Variants in ADAMTS9 observed in about 807,000 individuals in gnomAD.
ADAMTS9 encodes A disintegrin and metalloproteinase with thrombospondin motifs 9.
A neutral mutation model predicts 257.1 loss-of-function variants in ADAMTS9; 107 were observed. That is an observed-to-expected ratio of 0.42 (90% CI 0.36 to 0.49). ADAMTS9 has a LOEUF of 0.49. Among genes scored for constraint, ADAMTS9 ranks in the 20% least tolerant of loss-of-function variants. ADAMTS9 has a pLI of 0.03. For synonymous variants in ADAMTS9, 982 were observed against 880.9 expected, an observed-to-expected ratio of 1.11 and a Z score of -2.03; for missense variants, 2,353 against 2,469.1, an observed-to-expected ratio of 0.95 and a Z score of 1.00.
intron 12 of ADAMTS9, among the ~76,000 whole-genome samples, chr3:64,639,056 C>T (rs1239175222): frequency 6.6e-6 from 1 of 152,092 alleles, no homozygotes; most frequent in African/African-American, 2.4e-5. Flanking sequence ...CTACGTTCTA[C>T]ATAATGAACC....
chr3:64,520,461 C>G (rs1270814116), intron 39 of ADAMTS9, among the ~76,000 whole-genome samples: 1 of 152,040 alleles, frequency 6.6e-6, no homozygotes, highest in African/African-American at 2.4e-5. Context: ...GATATGGAAC[C>G]AAAGCAGAGC....
At chr3:64,599,500 C>T (rs1437301584) in intron 26 of ADAMTS9, among the ~76,000 whole-genome samples, 1 of 152,168 alleles carries the variant, frequency 6.6e-6, no homozygotes, top group Non-Finnish European at 1.5e-5. Flanking sequence ...ACATCCTTTT[C>T]CTTACATCTG....
chr3:64,530,343 G>C (rs2082962963), intron 38 of ADAMTS9, among the ~76,000 whole-genome samples: 2 of 151,814 alleles, frequency 1.3e-5, no homozygotes, highest in African/African-American at 4.8e-5. Flanking sequence ...CCTATTTTCA[G>C]GTAGCATTGC....
At chr3:64,517,877 A>C (rs1230154560) in intron 39 of ADAMTS9, among the ~76,000 whole-genome samples, 1 of 152,152 alleles carries the variant, frequency 6.6e-6, no homozygotes, top group Non-Finnish European at 1.5e-5. Flanking sequence ...TTCTGATAAC[A>C]AAATGCCTTC....
intron 11 of ADAMTS9, among the ~76,000 whole-genome samples, chr3:64,642,849 A>C (rs1016981165): frequency 6.6e-6 from 1 of 152,158 alleles, no homozygotes; most frequent in Non-Finnish European, 1.5e-5. Flanking sequence ...GGGAGGACAC[A>C]GCCACCAAGA....
intron 28 of ADAMTS9, among the ~76,000 whole-genome samples, chr3:64,593,117 A>G (rs1196697121): frequency 6.6e-6 from 1 of 152,212 alleles, no homozygotes; most frequent in African/African-American, 2.4e-5. Context: ...GTTCTGGAAG[A>G]AAATACTTAA....
intron 3 of ADAMTS9, among the ~76,000 whole-genome samples, chr3:64,678,152 T>C (rs1340835392): frequency 6.6e-6 from 1 of 152,160 alleles, no homozygotes; most frequent in African/African-American, 2.4e-5. Context: ...TAGGGAAGGT[T>C]CGGATGGGTT....
chr3:64,522,285 C>G (rs1031665440), intron 38 of ADAMTS9, 25 bp from the exon 39 acceptor site: 1 of 1,608,440 alleles, frequency 6.2e-7, no homozygotes, highest in Admixed American at 1.7e-5. Context: ...ATCATGTTAG[C>G]CTGCCTGCTT....
At chr3:64,585,138 T>A (rs984011190) in intron 28 of ADAMTS9, among the ~76,000 whole-genome samples, 34 of 152,246 alleles carry the variant, frequency 2.2e-4, no homozygotes, top group African/African-American at 7.9e-4. Flanking sequence ...GAAATTCAGG[T>A]ATGGGGCAAT....
In ADAMTS9 at chr3:64,641,946, C is replaced by G. The variant is rs749359286; in HGVS notation, c.1758G>C (p.Val586=). 1.8e-5 allele frequency: 29 copies of G among 1,613,992 alleles called. No homozygotes were observed. Among genetic ancestry groups the G allele is most frequent in the African/African-American group, 1.3e-5 (1 of 74,904 alleles). The change falls in exon 12 of 40, where the codon GTG becomes GTC. Residue 586 remains valine, a synonymous_variant. Coordinates refer to ENST00000498707, the MANE Select transcript of ADAMTS9 (RefSeq NM_182920.2). ...TCCAACTTCCCCAGGATCCATCTGT[C>G]ACGGGGACATCCATTTCTTTGGGAA... ...FCVPKEMDVP[V]TDGSWGSWSP...
At chr3:64,533,552 G>C (rs781523216) in intron 37 of ADAMTS9, among the ~76,000 whole-genome samples, 19 of 152,316 alleles carry the variant, frequency 1.2e-4, no homozygotes, top group Non-Finnish European at 2.1e-4. Context: ...GGATACGGTA[G>C]GAGTCCAACT....
chr3:64,613,470 C>T lies in ADAMTS9; in HGVS notation c.3229G>A (p.Val1077Ile). 1 of 1,613,910 alleles carries T rather than the reference C, an allele frequency of 6.2e-7. No homozygotes were observed. Among genetic ancestry groups the T allele is most frequent in the Non-Finnish European group, 8.5e-7 (1 of 1,179,880 alleles). The change falls in exon 22 of 40, where the codon GTC (valine) becomes ATC (isoleucine). Residue 1077 changes from valine (V) to isoleucine (I), a missense_variant. Physicochemically the swap from Val to Ile is conservative, Grantham distance 29. Around this residue, in one of 3 missense-constraint regions of ADAMTS9, gnomAD observed 1,402 missense variants for 1,441.4 expected, o/e 0.97. Coordinates refer to ENST00000498707, the MANE Select transcript of ADAMTS9 (RefSeq NM_182920.2). ...CGATCTTCACCAAACTGACACCAGA[C>T]CTGGCGGTGCTTATGCCCTTTTCCA... ...TCGKGHKHRQ[V>I]WCQFGEDRLN...
At position 64,686,320 on chromosome 3, in the gene ADAMTS9, C is replaced by CG; in HGVS notation, c.516+247dup. On this transcript the variant is annotated intron_variant, in intron 2 of 39. Transcript: ENST00000498707. The surrounding 1 kb of genome is among the most constrained non-coding windows in gnomAD (Gnocchi z 4.6). Reference sequence around the variant, plus strand: ...AGCGTTGGGCAACGCGCCGCTGAACCGAGTCCAAACTCCAGAAAGCTCTGA... The same window carrying CG: ...AGCGTTGGGCAACGCGCCGCTGAACCGGAGTCCAAACTCCAGAAAGCTCTGA... Among the ~76,000 whole-genome samples the CG allele has an allele frequency of 6.6e-6, 1 of 152,242 alleles. No individual in the cohort carries two copies. The highest frequency in any genetic ancestry group is 1.5e-5 in the Non-Finnish European group (1 of 68,038).
rs780647174 is a variant in ADAMTS9 at position 64,686,790 on chromosome 3, C to T, written c.294G>A (p.Ala98=). 2.5e-6 allele frequency: 4 copies of T among 1,614,002 alleles called. No individual in the cohort carries two copies. The highest frequency in any genetic ancestry group is 1.7e-5 in the Admixed American group (1 of 60,012). ...SSSSSSTSSQ[A]HYRLSAFGQQ... is the part of the protein sequence containing the mutation. ...GGCCGAAGGCAGAGAGGCGGTAATG[C>T]GCCTGGGAGGAGGTAGAGGAGGAAG... Residue 98 remains alanine (A), a synonymous_variant, in exon 2 of 40, where the codon GCG becomes GCA. Coordinates refer to ENST00000498707, the MANE Select transcript of ADAMTS9 (RefSeq NM_182920.2). This position sits in a 1 kb window ranked among gnomAD's most constrained non-coding sequence, Gnocchi z 4.6.
At chr3:64,558,173 G>T (rs139099360) in intron 30 of ADAMTS9, among the ~76,000 whole-genome samples, 2 of 152,184 alleles carry the variant, frequency 1.3e-5, no homozygotes, top group African/African-American at 2.4e-5. Flanking sequence ...TTCACTTTAG[G>T]TGTATTTGGC....
chr3:64,643,857 C>T (rs1191521798), intron 11 of ADAMTS9, among the ~76,000 whole-genome samples: 4 of 151,666 alleles, frequency 2.6e-5, no homozygotes, highest in South Asian at 4.2e-4. Flanking sequence ...CAGTTCATGT[C>T]GACATTTTAA....
intron 11 of ADAMTS9, among the ~76,000 whole-genome samples, chr3:64,643,091 T>G (rs1028568436): frequency 5.3e-5 from 8 of 152,292 alleles, no homozygotes; most frequent in Admixed American, 2.0e-4. Flanking sequence ...CTGGGCTGTT[T>G]GGCTGAGGCT....
intron 31 of ADAMTS9, among the ~76,000 whole-genome samples, chr3:64,547,506 C>A (rs1282059203): frequency 7.9e-6 from 1 of 125,828 alleles, no homozygotes; most frequent in African/African-American, 2.8e-5. Flanking sequence ...CTCTCCCTGG[C>A]TATAGATTTT....
At position 64,568,543 on chromosome 3, in the gene ADAMTS9, A is replaced by G; in HGVS notation, c.4357-8T>C. 1 of 1,610,844 alleles carries G rather than the reference A, an allele frequency of 6.2e-7. No individual in the cohort carries two copies. Among genetic ancestry groups the G allele is most frequent in the Non-Finnish European group, 8.5e-7 (1 of 1,179,218 alleles). On this transcript the variant is annotated splice_region_variant and splice_polypyrimidine_tract_variant and intron_variant, in intron 28 of 39. Transcript: ENST00000498707. Reference sequence around the variant, plus strand: ...ACCACAAGAGACAGAACACTGCAATATAAAGCAATGGCAAGGTTGTTGTTG... The same window carrying G: ...ACCACAAGAGACAGAACACTGCAATGTAAAGCAATGGCAAGGTTGTTGTTG...
Sources: gnomAD v4.1 joint callset for allele counts (sites outside exome capture counted in the v4.1 genomes callset) on GRCh38, gnomAD v4.1.1 for gene constraint, gnomAD v4.1.1 regional missense constraint, Gnocchi (gnomAD v3.1) non-coding constraint, MANE v1.5 for transcripts, NCBI Gene and HGNC (gene_info 2026-07-23, HGNC 2026-07-21) for gene names.